The following VPS13A variants were observed in gnomAD, a reference collection of about 807,000 sequenced individuals.
The protein encoded by VPS13A is vacuolar protein sorting 13 homolog A, also known as intermembrane lipid transfer protein VPS13A.
Under a neutral mutation model 390.9 loss-of-function variants are expected in VPS13A, and 264 were observed. The ratio of observed to expected loss-of-function variants is 0.68; its 90% CI spans 0.61 to 0.75. VPS13A has a LOEUF of 0.75. Ranked by LOEUF, VPS13A falls within the 30% of genes least tolerant of loss-of-function variation. VPS13A has a pLI of 0.00. For synonymous variants in VPS13A, 1,231 were observed against 1,227.1 expected, an observed-to-expected ratio of 1.00 and a Z score of -0.07; for missense variants, 3,409 against 3,733.9, an observed-to-expected ratio of 0.91 and a Z score of 2.27.
Position 77,205,614 on chromosome 9 carries a change from T to G in VPS13A, c.283+206T>G, listed in dbSNP as rs145102174. Among the ~76,000 whole-genome samples the G allele has an allele frequency of 5.7e-3, 870 of 152,056 alleles. 12 individuals are homozygous for G. The highest frequency in any genetic ancestry group is 0.02 in the African/African-American group (839 of 41,524). ...TATTTATTATTATTTTTTTTTAAGA[T>G]GGAGTCTCGCACTGTCACCTGGGCT... On this transcript the variant is annotated intron_variant, in intron 4 of 71. Coordinates refer to ENST00000360280, the MANE Select transcript of VPS13A (RefSeq NM_033305.3).
At chr9:77,191,214 T>C (rs1036871058) in intron 1 of VPS13A, among the ~76,000 whole-genome samples, 6 of 152,112 alleles carry the variant, frequency 3.9e-5, no homozygotes, top group Non-Finnish European at 8.8e-5. Context: ...ACATTAGCTA[T>C]GTCCCAGAGA....
intron 1 of VPS13A, among the ~76,000 whole-genome samples, chr9:77,197,448 G>T (rs1464431216): frequency 2.0e-5 from 3 of 152,094 alleles, no homozygotes; most frequent in Non-Finnish European, 4.4e-5. Flanking sequence ...CTCATGTTTG[G>T]TGCATACATG....
At position 77,421,103 on chromosome 9, in the gene VPS13A, T is replaced by C. The variant is rs757754130; in HGVS notation, c.*5097T>C. ...AAGTGCACTTTAAAAATACTTTCTC[T>C]TGCTAGTTTTTTAAATTGATGAAAT... On this transcript the variant is annotated 3_prime_UTR_variant, in exon 72 of 72. Coordinates refer to ENST00000360280, the MANE Select transcript of VPS13A (RefSeq NM_033305.3). 1.9e-4 allele frequency: 29 copies of C among 152,366 alleles called. No homozygotes were observed. The highest frequency in any genetic ancestry group is 3.8e-4 in the Non-Finnish European group (26 of 68,036). 9.4% of individuals were successfully genotyped at this position (152,366 alleles called of 1,614,324 possible).
intron 68 of VPS13A, among the ~76,000 whole-genome samples, chr9:77,385,923 GA>G (rs1174485229): frequency 1.3e-5 from 2 of 151,678 alleles, no homozygotes; most frequent in African/African-American, 2.4e-5. Context: ...AAAAAAAACT[GA>G]AAAAAATCAG....
intron 68 of VPS13A, chr9:77,390,087 GCAGT>G (rs1483451474): frequency 1.3e-5 from 13 of 985,284 alleles, no homozygotes; most frequent in African/African-American, 1.7e-5. Flanking sequence ...TCTTACTATA[GCAGT>G]CAGATCACCA....
intron 26 of VPS13A, 184 bp from the exon 27 acceptor site, chr9:77,279,975 G>A (rs892025106): frequency 1.9e-4 from 89 of 472,320 alleles, no homozygotes; most frequent in Non-Finnish European, 1.7e-4. Context: ...GGAATTGTGA[G>A]GAGAAATTAA....
intron 23 of VPS13A, among the ~76,000 whole-genome samples, chr9:77,261,643 G>A (rs113423650): frequency 0.055 from 8,273 of 151,012 alleles, 330 homozygotes; most frequent in South Asian, 0.12. Flanking sequence ...GGAGTACAGT[G>A]GCACAACCTT....
chr9:77,366,095 C>T (rs1289974053), intron 60 of VPS13A, among the ~76,000 whole-genome samples: 2 of 151,962 alleles, frequency 1.3e-5, no homozygotes, highest in African/African-American at 4.8e-5. Context: ...ATACAAATAC[C>T]TTTCAGCTTA....
At chr9:77,202,178 C>T (rs545959568) in intron 3 of VPS13A, among the ~76,000 whole-genome samples, 1 of 152,196 alleles carries the variant, frequency 6.6e-6, no homozygotes, top group East Asian at 1.9e-4. Flanking sequence ...ATTATGTGTA[C>T]TTATGGTTGG....
intron 40 of VPS13A, 87 bp downstream of exon 40, chr9:77,317,785 T>A: frequency 9.9e-7 from 1 of 1,008,150 alleles, no homozygotes; most frequent in Non-Finnish European, 1.4e-6. Context: ...GTCTTTTAAT[T>A]GTTATGCAAA....
chr9:77,385,146 T>G (rs927194519), intron 68 of VPS13A: 1 of 957,514 alleles, frequency 1.0e-6, no homozygotes, highest in African/African-American at 1.8e-5. Flanking sequence ...TTTAAAGATA[T>G]TTTTGTCAAA....
Position 77,417,430 on chromosome 9 carries a change from A to G in VPS13A, c.*1424A>G, listed in dbSNP as rs545530003. On this transcript the variant is annotated 3_prime_UTR_variant, in exon 72 of 72. Transcript: ENST00000360280. ...GATTTCTCTCTGATTACTAAAACAC[A>G]TTGTTTATTCTCAGTAGTTTCCCCC... 85 of 152,222 alleles carry G rather than the reference A, an allele frequency of 5.6e-4. No homozygotes were observed. Among genetic ancestry groups the G allele is most frequent in the African/African-American group, 2.0e-3 (82 of 41,552 alleles). 9.4% of individuals were successfully genotyped at this position (152,222 alleles called of 1,614,324 possible). A position where few individuals can be genotyped will look rare whatever the true frequency, so the allele number is the denominator to read the frequency against.
intron 1 of VPS13A, among the ~76,000 whole-genome samples, chr9:77,183,881 T>C (rs1824170969): frequency 6.6e-6 from 1 of 152,366 alleles, no homozygotes; most frequent in Admixed American, 6.5e-5. Flanking sequence ...ATCCATATAA[T>C]GGAATACCAT....
At chr9:77,230,280 T>G (rs1476728079) in intron 17 of VPS13A, among the ~76,000 whole-genome samples, 1 of 152,124 alleles carries the variant, frequency 6.6e-6, no homozygotes, top group African/African-American at 2.4e-5. Flanking sequence ...ATGCTTTTCA[T>G]TATAACTCAG....
chr9:77,352,933 T>G (rs1469936721), intron 53 of VPS13A, among the ~76,000 whole-genome samples: 1 of 152,104 alleles, frequency 6.6e-6, no homozygotes, highest in African/African-American at 2.4e-5. Context: ...TTATGTGAGA[T>G]TCCTGCAGAA....
intron 67 of VPS13A, among the ~76,000 whole-genome samples, chr9:77,377,306 G>A (rs1433132034): frequency 1.9e-4 from 25 of 131,182 alleles, no homozygotes; most frequent in Non-Finnish European, 2.8e-4. Context: ...TGCAAGCTCC[G>A]CTTCCCGGGT....
rs1256803709 is a variant in VPS13A, at chr9:77,420,743, CTG to C, written c.*4740_*4741del. ...AATGAAGTCCTTGTAACAAGAAACC[CTG>C]TGAGATTGGTATAATGAGATATCAA... On this transcript the variant is annotated 3_prime_UTR_variant, in exon 72 of 72. Coordinates refer to ENST00000360280, the MANE Select transcript of VPS13A (RefSeq NM_033305.3). The C allele has an allele frequency of 2.6e-5, 4 of 152,018 alleles. No individual in the cohort carries two copies. The highest frequency in any genetic ancestry group is 9.7e-5 in the African/African-American group (4 of 41,370). 9.4% of individuals were successfully genotyped at this position (152,018 alleles called of 1,614,324 possible). A position where few individuals can be genotyped will look rare whatever the true frequency, so the allele number is the denominator to read the frequency against.
chr9:77,323,093 A>G lies in VPS13A; in HGVS notation c.5857A>G (p.Lys1953Glu). 1.9e-6 allele frequency: 3 copies of G among 1,612,920 alleles called. No homozygotes were observed. The highest frequency in any genetic ancestry group is 2.5e-6 in the Non-Finnish European group (3 of 1,179,188). ...ACCTGTTAACCATTCTACTGCTGAT[A>G]AGATTCCTTTAACAAAAGTGGGACG... ...LTPVNHSTAD[K>E]IPLTKVGRRL... The change falls in exon 45 of 72, where the codon AAG becomes GAG. Residue 1953 changes from lysine (K) to glutamate (E), a missense_variant. By Grantham distance (56) the Lys-to-Glu change is moderately conservative (BLOSUM62 1). Around this residue, in one of 5 missense-constraint regions of VPS13A, gnomAD observed 2,717 missense variants for 2,917.4 expected, o/e 0.93. Transcript: ENST00000360280.
At chr9:77,357,925 A>T in intron 56 of VPS13A, 87 bp downstream of exon 56, 11 of 899,418 alleles carry the variant, frequency 1.2e-5, no homozygotes, top group African/African-American at 1.8e-5. Flanking sequence ...TGCTTTATCT[A>T]GTATTCAGTT....
Sources: gnomAD v4.1 joint callset for allele counts (sites outside exome capture counted in the v4.1 genomes callset) on GRCh38, gnomAD v4.1.1 for gene constraint, gnomAD v4.1.1 regional missense constraint, MANE v1.5 for transcripts, NCBI Gene and HGNC (gene_info 2026-07-23, HGNC 2026-07-21) for gene names.